MALRD1: variants seen among roughly 807,000 people sequenced by gnomAD.
MALRD1 encodes the protein MAM and LDL-receptor class A domain-containing protein 1.
Under a neutral mutation model 242.1 loss-of-function variants are expected in MALRD1, and 247 were observed. That is an observed-to-expected ratio of 1.02 (90% CI 0.92 to 1.13). MALRD1 has a LOEUF of 1.13. MALRD1 is among the 50% of genes most tolerant of loss of function. The probability of loss-of-function intolerance (pLI) is 0.00; values close to 1 mark genes in which losing one functional copy is unlikely to be tolerated. For synonymous variants in MALRD1, 995 were observed against 866.6 expected (o/e 1.15, Z -2.60); for missense variants, 2,989 against 2,533.1 (o/e 1.18, Z -3.86).
At chr10:19,094,582 G>T (rs916753463) in intron 4 of MALRD1, among the ~76,000 whole-genome samples, 1 of 151,796 alleles carries the variant, frequency 6.6e-6, no homozygotes, top group Non-Finnish European at 1.5e-5. Context: ...GCTGTAGACC[G>T]GAGCTGTTCC....
In MALRD1 at chr10:19,387,665, T is replaced by C. The variant is rs1352775685; in HGVS notation, c.4579T>C (p.Trp1527Arg). Residue 1527 changes from tryptophan to arginine, a missense_variant, in exon 27 of 40, where the codon TGG becomes CGG. Physicochemically the swap from Trp to Arg is moderately radical, Grantham distance 101. Transcript: ENST00000454679. ...TAGCTCCTGTACTTTTGAAAAAGGCTGGTGTGGCTGGCAAAACTCCCAGGC... is the reference window on the plus strand; with the variant it reads ...TAGCTCCTGTACTTTTGAAAAAGGCCGGTGTGGCTGGCAAAACTCCCAGGC... ...CGSSCTFEKG[W>R]CGWQNSQADN... 3 of 1,550,432 alleles carry C rather than the reference T, an allele frequency of 1.9e-6. No homozygotes were observed. Among genetic ancestry groups the C allele is most frequent in the Admixed American group, 3.9e-5 (2 of 50,972 alleles).
chr10:19,482,652 TACACACAC>T (rs144094060), intron 29 of MALRD1, among the ~76,000 whole-genome samples: 55 of 136,436 alleles, frequency 4.0e-4, no homozygotes, highest in Middle Eastern at 3.8e-3. Context: ...TTACAATAGC[TACACACAC>T]ACACACACAC....
intron 21 of MALRD1, among the ~76,000 whole-genome samples, chr10:19,308,239 C>G (rs1842300502): frequency 1.3e-5 from 2 of 151,318 alleles, no homozygotes; most frequent in South Asian, 4.1e-4. Context: ...TCTGTGTGTT[C>G]AATTGTTTTG....
At position 19,692,870 on chromosome 10, in the gene MALRD1, T is replaced by TATATATATATATAC. The variant is rs1833158899; in HGVS notation, c.6314+329_6314+330insCATATATATATATA. 6.7e-5 allele frequency among the ~76,000 whole-genome samples: 3 copies of TATATATATATATAC among 44,976 alleles called. No individual in the cohort carries two copies. In the South Asian group the frequency reaches 2.3e-3, roughly 34 times the overall value. The allele number at this position is 44,976 out of a possible 152,430, so 29.5% of individuals were successfully genotyped here. On this transcript the variant is annotated intron_variant, in intron 38 of 39. Transcript: ENST00000454679. ...TGAAATTTATATATAGATGAAATTA[T>TATATATATATATAC]ATATATATATATATATAATTTCATC...
rs541482966 is a variant in MALRD1 at position 19,567,511 on chromosome 10, A to T, written c.5488A>T (p.Ile1830Phe). Residue 1830 changes from isoleucine (I) to phenylalanine (F), a missense_variant, in exon 33 of 40, where the codon ATT becomes TTT. Ile to Phe is a conservative substitution (Grantham distance 21). Coordinates refer to ENST00000454679, the MANE Select transcript of MALRD1 (RefSeq NM_001142308.3). ...TTAATGATTTTTAAAGGTGTATACC[A>T]TTGAAGAATCGGGGCTAAACATCCT... ...RSMGILKVYT[I>F]EESGLNILVW... 1 of 1,550,386 alleles carries T rather than the reference A, an allele frequency of 6.5e-7. No individual in the cohort carries two copies. The highest frequency in any genetic ancestry group is 8.7e-7 in the Non-Finnish European group (1 of 1,146,836).
At chr10:19,360,509 C>A (rs1844844784) in intron 26 of MALRD1, among the ~76,000 whole-genome samples, 1 of 152,104 alleles carries the variant, frequency 6.6e-6, no homozygotes, top group Admixed American at 6.6e-5. Flanking sequence ...CATCCCTGCT[C>A]ACTCTCATTC....
chr10:19,659,718 AT>A (rs1170660156), intron 36 of MALRD1, among the ~76,000 whole-genome samples: 2 of 152,138 alleles, frequency 1.3e-5, no homozygotes, highest in South Asian at 2.1e-4. Flanking sequence ...TAATTTTCTC[AT>A]TTTTTTATAT....
chr10:19,380,065 C>G (rs1048007854), intron 26 of MALRD1, among the ~76,000 whole-genome samples: 1 of 150,644 alleles, frequency 6.6e-6, no homozygotes, highest in African/African-American at 2.4e-5. Flanking sequence ...GCCTCTGCCT[C>G]CCAGGTTCCA....
chr10:19,214,828 C>G (rs902036945), intron 18 of MALRD1, among the ~76,000 whole-genome samples: 31 of 152,164 alleles, frequency 2.0e-4, no homozygotes, highest in African/African-American at 6.8e-4. Flanking sequence ...CCCATTGAGA[C>G]TTTCACAAAA....
At chr10:19,528,406 A>G (rs1387886643) in intron 31 of MALRD1, among the ~76,000 whole-genome samples, 1 of 152,162 alleles carries the variant, frequency 6.6e-6, no homozygotes, top group Non-Finnish European at 1.5e-5. Context: ...CATCCTGGGC[A>G]ACATGGTGAA....
At chr10:19,487,629 A>G (rs1274864629) in intron 29 of MALRD1, among the ~76,000 whole-genome samples, 1 of 152,068 alleles carries the variant, frequency 6.6e-6, no homozygotes, top group Non-Finnish European at 1.5e-5. Flanking sequence ...GCATGGAAAA[A>G]TAAAATAATC....
chr10:19,082,152 T>C (rs1835510723), intron 2 of MALRD1, among the ~76,000 whole-genome samples: 1 of 151,828 alleles, frequency 6.6e-6, no homozygotes, highest in African/African-American at 2.4e-5. Context: ...ATTATATTAA[T>C]ATCCTTTTCT....
At chr10:19,309,851 A>G (rs1016436536) in intron 21 of MALRD1, among the ~76,000 whole-genome samples, 7 of 151,490 alleles carry the variant, frequency 4.6e-5, no homozygotes, top group Admixed American at 6.6e-5. Flanking sequence ...GCTGGCACAA[A>G]GAATTTAATC....
intron 2 of MALRD1, among the ~76,000 whole-genome samples, chr10:19,077,150 A>G (rs1835343005): frequency 6.6e-6 from 1 of 151,906 alleles, no homozygotes; most frequent in African/African-American, 2.4e-5. Flanking sequence ...TTTATATCCT[A>G]TATACTTACC....
chr10:19,293,731 A>G lies in MALRD1; in HGVS notation c.3419+10550A>G, dbSNP rs1384159559. 2.0e-5 allele frequency among the ~76,000 whole-genome samples: 3 copies of G among 152,178 alleles called. No individual in the cohort carries two copies. The East Asian group carries it at 5.8e-4, about 29-fold the overall frequency. ...AGAACTCTTGGACGCAAAGAAGGGA[A>G]CAACAAACACTGTGACCTATTTGAG... On this transcript the variant is annotated intron_variant, in intron 21 of 39. Transcript: ENST00000454679.
chr10:19,555,558 G>A (rs1045365945), intron 32 of MALRD1, among the ~76,000 whole-genome samples: 1 of 152,126 alleles, frequency 6.6e-6, no homozygotes, highest in Non-Finnish European at 1.5e-5. Context: ...TAAGGGGGTT[G>A]GCAATGTAAC....
intron 21 of MALRD1, among the ~76,000 whole-genome samples, chr10:19,321,995 C>A (rs534686799): frequency 2.0e-5 from 3 of 152,110 alleles, no homozygotes; most frequent in African/African-American, 7.2e-5. Flanking sequence ...GAGGTGGTAG[C>A]ATTAAAATTG....
At chr10:19,286,512 A>G (rs1311498563) in intron 21 of MALRD1, among the ~76,000 whole-genome samples, 3 of 152,212 alleles carry the variant, frequency 2.0e-5, no homozygotes, top group Non-Finnish European at 2.9e-5. Context: ...TGAGATAATC[A>G]TGTGGTTTTT....
At chr10:19,491,382 G>C (rs1396954992) in intron 29 of MALRD1, 135 bp from the exon 30 acceptor site, 4 of 1,029,664 alleles carry the variant, frequency 3.9e-6, no homozygotes, top group Non-Finnish European at 5.6e-6. Flanking sequence ...GGAAGTTGGG[G>C]AAGTCCATCT....
Sources: allele counts gnomAD v4.1 joint callset (sites outside exome capture counted in the v4.1 genomes callset), GRCh38; gene constraint gnomAD v4.1.1; transcripts MANE v1.5; gene names NCBI Gene and HGNC (gene_info 2026-07-23, HGNC 2026-07-21).